ASH1L: variants seen among roughly 807,000 people sequenced by gnomAD.
ASH1L encodes ASH1 like histone lysine methyltransferase.
In ASH1L, 23 loss-of-function variants were observed where a neutral mutation model predicts 269.0. The ratio of observed to expected loss-of-function variants is 0.09; its 90% CI spans 0.06 to 0.12. The LOEUF is 0.12. Among genes scored for constraint, ASH1L ranks in the 10% least tolerant of loss-of-function variants. ASH1L has a pLI of 1.00. For synonymous variants in ASH1L, 1,187 were observed against 1,253.5 expected, an observed-to-expected ratio of 0.95 and a Z score of 1.12; for missense variants, 2,912 against 3,567.8, an observed-to-expected ratio of 0.82 and a Z score of 4.68.
chr1:155,534,342 CATACTAGATTAGG>C (rs1669899661), intron 1 of ASH1L, among the ~76,000 whole-genome samples: 1 of 147,500 alleles, frequency 6.8e-6, no homozygotes, highest in Non-Finnish European at 1.5e-5. Flanking sequence ...GTCATATCAG[CATACTAGATTAGG>C]ATGGTAACAA....
At chr1:155,555,893 G>A (rs1316572465) in intron 1 of ASH1L, among the ~76,000 whole-genome samples, 1 of 148,762 alleles carries the variant, frequency 6.7e-6, no homozygotes, top group Non-Finnish European at 1.5e-5. Flanking sequence ...AAATACTTAA[G>A]TATTTATGGA....
chr1:155,431,086 C>A (rs1337317001), intron 5 of ASH1L, among the ~76,000 whole-genome samples: 2 of 151,984 alleles, frequency 1.3e-5, no homozygotes, highest in African/African-American at 4.8e-5. Context: ...GTGGCAGGAC[C>A]TGTAATCCCA....
chr1:155,337,867 T>C, intron 27 of ASH1L, 116 bp from the exon 28 acceptor site: 8 of 1,136,430 alleles, frequency 7.0e-6, no homozygotes, highest in South Asian at 2.7e-5. Context: ...CTATAAGCAA[T>C]TTAGCCCATC....
intron 1 of ASH1L, among the ~76,000 whole-genome samples, chr1:155,545,032 C>T (rs1242649110): frequency 6.6e-6 from 1 of 151,188 alleles, no homozygotes; most frequent in Non-Finnish European, 1.5e-5. Context: ...ATTAGCCGGG[C>T]ATGGTGGTAC....
chr1:155,374,477 G>A (rs1311309422), intron 10 of ASH1L, among the ~76,000 whole-genome samples: 1 of 152,206 alleles, frequency 6.6e-6, no homozygotes, highest in Non-Finnish European at 1.5e-5. Flanking sequence ...CATGTAAATA[G>A]GAGCAGAGAA....
chr1:155,551,801 C>T (rs1468846829), intron 1 of ASH1L, among the ~76,000 whole-genome samples: 2 of 147,196 alleles, frequency 1.4e-5, no homozygotes, highest in East Asian at 4.0e-4. Context: ...AACCCCGTCT[C>T]TACTAAAGAT....
chr1:155,360,357 C>G lies in ASH1L; in HGVS notation c.6739G>C (p.Ala2247Pro). Residue 2247 changes from alanine to proline, a missense_variant, in exon 13 of 28, where the codon GCT becomes CCT. Around this residue, in one of 13 missense-constraint regions of ASH1L, gnomAD observed 309 missense variants for 435.1 expected, o/e 0.71. Coordinates refer to ENST00000392403, the MANE Select transcript of ASH1L (RefSeq NM_018489.3). Reference protein sequence around the residue: ...IGLYALKDMPAGTELTYDYNF... With the variant: ...IGLYALKDMPPGTELTYDYNF... ...TAATCATAAGTGAGTTCAGTCCCAG[C>G]TGGCATGTCTTTAAGAGCATAGAGT... The G allele has an allele frequency of 6.2e-7, 1 of 1,613,670 alleles. No individual in the cohort carries two copies. Among genetic ancestry groups the G allele is most frequent in the Non-Finnish European group, 8.5e-7 (1 of 1,179,606 alleles).
chr1:155,422,303 ATTTTTTTT>A (rs757564991), intron 5 of ASH1L, among the ~76,000 whole-genome samples: 21 of 120,922 alleles, frequency 1.7e-4, no homozygotes, highest in Middle Eastern at 4.3e-3. Flanking sequence ...CGCCCAGCTA[ATTTTTTTT>A]TTTTTTTTTT....
chr1:155,399,503 C>T (rs1658650506), intron 6 of ASH1L, among the ~76,000 whole-genome samples: 1 of 151,910 alleles, frequency 6.6e-6, no homozygotes, highest in Non-Finnish European at 1.5e-5. Context: ...ATTAGCTAGG[C>T]GTGGTGGCAC....
intron 6 of ASH1L, among the ~76,000 whole-genome samples, 197 bp downstream of exon 6, chr1:155,415,547 A>C (rs1221833007): frequency 1.3e-5 from 2 of 152,104 alleles, no homozygotes; most frequent in African/African-American, 2.4e-5. Context: ...TTTTGTACTG[A>C]TTTCCCCCCA....
intron 5 of ASH1L, among the ~76,000 whole-genome samples, chr1:155,437,365 T>C (rs1353756199): frequency 6.6e-6 from 1 of 152,046 alleles, no homozygotes; most frequent in African/African-American, 2.4e-5. Context: ...CACTAATCAT[T>C]AGGGAACAGC....
At chr1:155,424,412 T>G (rs1660965129) in intron 5 of ASH1L, among the ~76,000 whole-genome samples, 1 of 142,962 alleles carries the variant, frequency 7.0e-6, no homozygotes, top group Non-Finnish European at 1.5e-5. Flanking sequence ...TGTATTACAG[T>G]TTTTTTTTTT....
intron 12 of ASH1L, among the ~76,000 whole-genome samples, chr1:155,364,636 T>C (rs1458661132): frequency 6.6e-6 from 1 of 152,104 alleles, no homozygotes; most frequent in Non-Finnish European, 1.5e-5. Flanking sequence ...TTCTTTTACC[T>C]ATTTTAAAAA....
At chr1:155,419,994 T>C (rs1660534424) in intron 5 of ASH1L, among the ~76,000 whole-genome samples, 1 of 152,040 alleles carries the variant, frequency 6.6e-6, no homozygotes, top group South Asian at 2.1e-4. Flanking sequence ...ATGAGAAAAC[T>C]GAAATCAAAA....
intron 1 of ASH1L, among the ~76,000 whole-genome samples, chr1:155,556,076 A>T (rs180907772): frequency 1.4e-3 from 218 of 152,320 alleles, no homozygotes; most frequent in Non-Finnish European, 2.8e-3. Context: ...ATATGTTTGC[A>T]ATTTGCCACA....
In ASH1L at chr1:155,480,312, T is replaced by G. The variant is rs1665862580; in HGVS notation, c.2558A>C (p.Lys853Thr). The change falls in exon 3 of 28, where the codon AAA becomes ACA. Residue 853 changes from lysine to threonine, a missense_variant. By Grantham distance (78) the Lys-to-Thr change is moderately conservative. Transcript: ENST00000392403. ...TTCCTTAGACTGTAAAGAAAACACT[T>G]TAGAAGCAGGGATTTTTAAAGTCCT... Reference protein sequence around the residue: ...PKRTLKIPASKVFSLQSKEEQ... With the variant: ...PKRTLKIPASTVFSLQSKEEQ... 1 of 1,613,974 alleles carries G rather than the reference T, an allele frequency of 6.2e-7. No homozygotes were observed.
Position 155,480,612 on chromosome 1 carries a change from C to G in ASH1L, c.2258G>C (p.Ser753Thr). ...CATAAACTTGGCTGGCTCAGAATTA[C>G]TATTTGATAGTGAGCTACATGAAAC... ...KNVSCSSLSN[S>T]NSEPAKFMKN... The change falls in exon 3 of 28, where the codon AGT becomes ACT. Residue 753 changes from serine to threonine, a missense_variant. Coordinates refer to ENST00000392403, the MANE Select transcript of ASH1L (RefSeq NM_018489.3). 6.2e-7 allele frequency: 1 copy of G among 1,614,132 alleles called. No individual in the cohort carries two copies. The highest frequency in any genetic ancestry group is 1.1e-5 in the South Asian group (1 of 91,080).
intron 5 of ASH1L, among the ~76,000 whole-genome samples, chr1:155,428,497 T>C (rs1661346986): frequency 6.6e-6 from 1 of 151,670 alleles, no homozygotes; most frequent in Non-Finnish European, 1.5e-5. Flanking sequence ...AATCTGGCCA[T>C]AAACTGGCCC....
intron 6 of ASH1L, among the ~76,000 whole-genome samples, chr1:155,415,276 G>A (rs976764008): frequency 6.6e-6 from 1 of 151,622 alleles, no homozygotes; most frequent in Non-Finnish European, 1.5e-5. Context: ...CAGCTACTCG[G>A]GAGGCTGAGG....
Sources: gnomAD v4.1 joint callset for allele counts (sites outside exome capture counted in the v4.1 genomes callset) on GRCh38, gnomAD v4.1.1 for gene constraint, gnomAD v4.1.1 regional missense constraint, MANE v1.5 for transcripts, NCBI Gene and HGNC (gene_info 2026-07-23, HGNC 2026-07-21) for gene names.